Variants in AGTPBP1 observed in about 807,000 individuals in gnomAD.
AGTPBP1 encodes the protein ATP/GTP binding carboxypeptidase 1, also known as cytosolic carboxypeptidase 1.
In AGTPBP1, 70 loss-of-function variants were observed where a neutral mutation model predicts 143.9. The ratio of observed to expected loss-of-function variants is 0.49; its 90% CI spans 0.40 to 0.59. The LOEUF (loss-of-function observed/expected upper bound fraction) is 0.59, where lower values mean the gene tolerates loss of function less well. Among genes scored for constraint, AGTPBP1 ranks in the 20% least tolerant of loss-of-function variants. AGTPBP1 has a pLI of 0.00. For missense variants in AGTPBP1, 1,229 were observed against 1,464.5 expected (o/e 0.84, Z 2.62); for synonymous variants, 463 against 500.2 (o/e 0.93, Z 0.99).
the AGTPBP1 span, among the ~76,000 whole-genome samples, chr9:85,758,119 C>A: frequency 2.6e-5 from 4 of 151,654 alleles, no homozygotes; most frequent in Non-Finnish European, 5.9e-5. Context: ...TACCACAAAT[C>A]TTATCTGCTT....
At chr9:85,637,660 G>A (rs1281410324) in intron 13 of AGTPBP1, among the ~76,000 whole-genome samples, 1 of 152,164 alleles carries the variant, frequency 6.6e-6, no homozygotes, top group Non-Finnish European at 1.5e-5. Flanking sequence ...AGGAGATGAA[G>A]AGACTACAAG....
intron 17 of AGTPBP1, among the ~76,000 whole-genome samples, chr9:85,599,911 A>G (rs1349042716): frequency 6.6e-6 from 1 of 152,156 alleles, no homozygotes; most frequent in Non-Finnish European, 1.5e-5. Flanking sequence ...CTGCAACCAA[A>G]CTTCCTGGGT....
intron 1 of AGTPBP1, among the ~76,000 whole-genome samples, chr9:85,720,806 T>G (rs1372875899): frequency 6.6e-6 from 1 of 152,202 alleles, no homozygotes; most frequent in East Asian, 1.9e-4. Context: ...CATTTAGTGT[T>G]GTAAATTTTT....
the AGTPBP1 span, chr9:85,764,576 A>G: frequency 5.7e-4 from 306 of 535,986 alleles, 4 homozygotes; most frequent in South Asian, 4.3e-3. Flanking sequence ...AAAAAAATCC[A>G]TGGGAGAAAA....
At chr9:85,790,438 G>A in the AGTPBP1 span, among the ~76,000 whole-genome samples, 1 of 152,126 alleles carries the variant, frequency 6.6e-6, no homozygotes, top group Non-Finnish European at 1.5e-5. Flanking sequence ...TCCCTGGAAT[G>A]TACTGCATAC....
At chr9:85,723,996 TA>T (rs1027800886) in intron 1 of AGTPBP1, among the ~76,000 whole-genome samples, 11 of 152,006 alleles carry the variant, frequency 7.2e-5, no homozygotes, top group Non-Finnish European at 1.0e-4. Context: ...CTGTTAGAAA[TA>T]AACATCTGGC....
the AGTPBP1 span, among the ~76,000 whole-genome samples, chr9:85,795,656 G>T: frequency 6.6e-6 from 1 of 152,122 alleles, no homozygotes; most frequent in Non-Finnish European, 1.5e-5. Context: ...TACTGTGGGA[G>T]TATGGAGGAA....
intron 7 of AGTPBP1, among the ~76,000 whole-genome samples, chr9:85,670,880 T>C (rs374138590): frequency 4.1e-4 from 63 of 152,190 alleles, no homozygotes; most frequent in African/African-American, 1.4e-3. Flanking sequence ...CTGTATTCCT[T>C]TGACCTTGAT....
chr9:85,775,498 G>A, the AGTPBP1 span, among the ~76,000 whole-genome samples: 6 of 146,902 alleles, frequency 4.1e-5, no homozygotes, highest in Non-Finnish European at 7.5e-5. Flanking sequence ...TAAAGGGACA[G>A]AATAGCATAT....
intron 3 of AGTPBP1, among the ~76,000 whole-genome samples, chr9:85,686,269 A>G (rs1564144123): frequency 6.6e-6 from 1 of 152,102 alleles, no homozygotes. Context: ...AGAAAAGACT[A>G]TATCATGCAA....
chr9:85,643,894 C>G (rs1832650705), intron 12 of AGTPBP1, among the ~76,000 whole-genome samples: 1 of 152,056 alleles, frequency 6.6e-6, no homozygotes, highest in Non-Finnish European at 1.5e-5. Flanking sequence ...GATAATAATA[C>G]CATTTAATAA....
In AGTPBP1 at chr9:85,589,667, T is replaced by A. The variant is rs1463259987; in HGVS notation, c.2583A>T (p.Lys861Asn). 1 of 1,603,628 alleles carries A rather than the reference T, an allele frequency of 6.2e-7. No individual in the cohort carries two copies. Among genetic ancestry groups the A allele is most frequent in the African/African-American group, 1.3e-5 (1 of 74,372 alleles). Reference sequence around the variant, plus strand: ...GCTGAGGATTGTGTGCTGATTCCAATTTTTGAAGATGCATCTTGATAAAAA... The same window carrying A: ...GCTGAGGATTGTGTGCTGATTCCAAATTTTGAAGATGCATCTTGATAAAAA... ...TYSTLQMHLQKLESAHNPQQI... is the reference protein window; with the variant it reads ...TYSTLQMHLQNLESAHNPQQI... Residue 861 changes from lysine to asparagine, a missense_variant, in exon 20 of 26, where the codon AAA becomes AAT. Lys to Asn is a moderately conservative substitution (Grantham distance 94). Transcript: ENST00000357081.
intron 17 of AGTPBP1, among the ~76,000 whole-genome samples, chr9:85,599,777 C>G (rs1231703875): frequency 6.6e-6 from 1 of 152,216 alleles, no homozygotes; most frequent in East Asian, 1.9e-4. Flanking sequence ...CAGTGACAAA[C>G]AATTTACAGA....
intron 25 of AGTPBP1, among the ~76,000 whole-genome samples, chr9:85,557,763 T>C (rs1176947946): frequency 6.6e-6 from 1 of 152,214 alleles, no homozygotes; most frequent in Non-Finnish European, 1.5e-5. Context: ...TTCCTATATA[T>C]GTATAAACAA....
the AGTPBP1 span, among the ~76,000 whole-genome samples, chr9:85,804,417 G>C: frequency 6.6e-6 from 1 of 152,238 alleles, no homozygotes; most frequent in South Asian, 2.1e-4. Flanking sequence ...CCCCAAGACA[G>C]ATATACACGG....
intron 17 of AGTPBP1, among the ~76,000 whole-genome samples, chr9:85,614,729 T>C (rs1247417000): frequency 3.9e-5 from 6 of 152,034 alleles, no homozygotes; most frequent in Admixed American, 3.9e-4. Flanking sequence ...TGGTACTAGA[T>C]CAACAAGAAA....
At chr9:85,713,093 C>G (rs1032489914) in intron 1 of AGTPBP1, among the ~76,000 whole-genome samples, 1 of 152,164 alleles carries the variant, frequency 6.6e-6, no homozygotes, top group South Asian at 2.1e-4. Flanking sequence ...CCTTAAATCT[C>G]GATTCACACA....
At chr9:85,551,864 G>A (rs1410427452) in intron 25 of AGTPBP1, among the ~76,000 whole-genome samples, 1 of 152,030 alleles carries the variant, frequency 6.6e-6, no homozygotes, top group African/African-American at 2.4e-5. Context: ...AAGCAGATAG[G>A]AGTCCAAAAA....
chr9:85,589,736 T>A (rs1828839591), intron 19 of AGTPBP1, 55 bp from the exon 20 acceptor site: 1 of 1,492,698 alleles, frequency 6.7e-7, no homozygotes, highest in Non-Finnish European at 9.0e-7. Context: ...CCCTATGATA[T>A]ACAGAAATAA....
Sources: allele counts gnomAD v4.1 joint callset (sites outside exome capture counted in the v4.1 genomes callset), GRCh38; gene constraint gnomAD v4.1.1; transcripts MANE v1.5; gene names NCBI Gene and HGNC (gene_info 2026-07-23, HGNC 2026-07-21).